NR6A1: variants seen among roughly 807,000 people sequenced by gnomAD.
NR6A1 encodes nuclear receptor subfamily 6 group A member 1.
NR6A1 carries 7 observed loss-of-function variants against 59.1 expected under a neutral mutation model. That is an observed-to-expected ratio of 0.12 (90% CI 0.07 to 0.22). NR6A1 has a LOEUF of 0.22. Ranked by LOEUF, NR6A1 falls within the 10% of genes least tolerant of loss-of-function variation. The probability of loss-of-function intolerance (pLI) is 1.00; values close to 1 mark genes in which losing one functional copy is unlikely to be tolerated. For synonymous variants in NR6A1, 243 were observed against 236.1 expected (o/e 1.03, Z -0.27); for missense variants, 468 against 611.6 (o/e 0.77, Z 2.48).
chr9:124,733,434 G>T, intron 1 of NR6A1, 85 bp from the exon 2 acceptor site: 2 of 1,043,990 alleles, frequency 1.9e-6, no homozygotes. Flanking sequence ...TACAGTTGGG[G>T]GGAAATCTAT....
chr9:124,592,733 C>T (rs755623471), intron 2 of NR6A1, among the ~76,000 whole-genome samples: 1 of 152,148 alleles, frequency 6.6e-6, no homozygotes, highest in Non-Finnish European at 1.5e-5. Flanking sequence ...ACCCCCAGTT[C>T]ATTTATGCAT....
chr9:124,735,178 G>T (rs1839988563), intron 1 of NR6A1, among the ~76,000 whole-genome samples: 1 of 152,082 alleles, frequency 6.6e-6, no homozygotes, highest in African/African-American at 2.4e-5. Context: ...GGGCTGTTCT[G>T]ACCACACCAA....
chr9:124,553,793 T>A (rs1253201894), intron 3 of NR6A1, among the ~76,000 whole-genome samples: 1 of 152,120 alleles, frequency 6.6e-6, no homozygotes, highest in East Asian at 1.9e-4. Flanking sequence ...CTGCCCCAAT[T>A]CACCCTCCAA....
At chr9:124,635,814 G>A (rs761823789) in intron 2 of NR6A1, among the ~76,000 whole-genome samples, 6 of 152,202 alleles carry the variant, frequency 3.9e-5, no homozygotes, top group Non-Finnish European at 7.3e-5. Flanking sequence ...TATGAATAAA[G>A]CTGCTATAAT....
chr9:124,599,419 CAAAA>C (rs530668330), intron 2 of NR6A1: 238 of 291,022 alleles, frequency 8.2e-4, no homozygotes, highest in East Asian at 1.3e-3. Flanking sequence ...TACATGGTCT[CAAAA>C]AAAAAAAAAA....
chr9:124,741,244 TC>T (rs1019012187), intron 1 of NR6A1, among the ~76,000 whole-genome samples: 5 of 152,286 alleles, frequency 3.3e-5, no homozygotes, highest in Non-Finnish European at 7.4e-5. Flanking sequence ...ATAGTTGTCG[TC>T]CCTCTTTGTA....
intron 2 of NR6A1, among the ~76,000 whole-genome samples, chr9:124,729,437 T>G (rs1333416693): frequency 6.6e-6 from 1 of 152,152 alleles, no homozygotes; most frequent in African/African-American, 2.4e-5. Flanking sequence ...ATACAAAAGT[T>G]AGCCAGGCAT....
At chr9:124,607,008 AG>A (rs1835592731) in intron 2 of NR6A1, among the ~76,000 whole-genome samples, 1 of 152,200 alleles carries the variant, frequency 6.6e-6, no homozygotes, top group South Asian at 2.1e-4. Flanking sequence ...TGTTGAGTAA[AG>A]GGAACAGGTA....
chr9:124,650,332 C>G (rs565474704), intron 2 of NR6A1, among the ~76,000 whole-genome samples: 3 of 151,862 alleles, frequency 2.0e-5, no homozygotes, highest in African/African-American at 7.3e-5. Flanking sequence ...AGCTGGGCAC[C>G]GAAAGACAAA....
Position 124,544,828 on chromosome 9 carries a change from C to A in NR6A1, c.386-971G>T, listed in dbSNP as rs560149463. Among the ~76,000 whole-genome samples the A allele has an allele frequency of 7.2e-5, 11 of 152,192 alleles. No homozygotes were observed. The South Asian group carries it at 1.5e-3, about 20-fold the overall frequency. On this transcript the variant is annotated intron_variant, in intron 3 of 9. Transcript: ENST00000487099. Reference sequence around the variant, plus strand: ...CTAGGGTATAACTTTAGCTAAGGAGCTTGAGGACAAGAAGGAATGTAGGGG... The same window carrying A: ...CTAGGGTATAACTTTAGCTAAGGAGATTGAGGACAAGAAGGAATGTAGGGG...
intron 2 of NR6A1, among the ~76,000 whole-genome samples, chr9:124,565,867 A>G (rs1834226252): frequency 6.6e-6 from 1 of 152,254 alleles, no homozygotes; most frequent in Non-Finnish European, 1.5e-5. Flanking sequence ...TATTGTTGGT[A>G]GGACTGTTTG....
chr9:124,744,121 T>C (rs1290667498), intron 1 of NR6A1, among the ~76,000 whole-genome samples: 1 of 152,064 alleles, frequency 6.6e-6, no homozygotes, highest in Non-Finnish European at 1.5e-5. Context: ...GCACCTATAG[T>C]CCCAGCTACT....
intron 2 of NR6A1, among the ~76,000 whole-genome samples, chr9:124,680,631 C>T (rs1838121324): frequency 6.6e-6 from 1 of 152,134 alleles, no homozygotes; most frequent in Non-Finnish European, 1.5e-5. Context: ...CAAAATAATA[C>T]ACGGTTTGTC....
intron 3 of NR6A1, among the ~76,000 whole-genome samples, chr9:124,549,855 T>C (rs367747149): frequency 6.6e-6 from 1 of 152,196 alleles, no homozygotes; most frequent in South Asian, 2.1e-4. Flanking sequence ...GTACATACTT[T>C]ATTTTGATTT....
intron 2 of NR6A1, among the ~76,000 whole-genome samples, chr9:124,616,724 C>T (rs1835905212): frequency 1.3e-5 from 2 of 152,068 alleles, no homozygotes; most frequent in South Asian, 4.2e-4. Flanking sequence ...GCAAAGATGC[C>T]CTAATATGAT....
chr9:124,732,386 T>C (rs1839908812), intron 2 of NR6A1, among the ~76,000 whole-genome samples: 1 of 152,224 alleles, frequency 6.6e-6, no homozygotes, highest in Non-Finnish European at 1.5e-5. Flanking sequence ...GTCCTATTTC[T>C]AACCATTATG....
intron 2 of NR6A1, among the ~76,000 whole-genome samples, chr9:124,718,038 C>T: frequency 6.6e-6 from 1 of 152,214 alleles, no homozygotes; most frequent in East Asian, 1.9e-4. Flanking sequence ...TGTATATTAT[C>T]TCATTATTTT....
intron 2 of NR6A1, among the ~76,000 whole-genome samples, chr9:124,605,896 T>G (rs1389134213): frequency 6.6e-6 from 1 of 152,202 alleles, no homozygotes; most frequent in East Asian, 1.9e-4. Flanking sequence ...ACCACCACTA[T>G]CTCCCATCTG....
chr9:124,578,294 T>C (rs550355956), intron 2 of NR6A1, among the ~76,000 whole-genome samples: 1 of 151,920 alleles, frequency 6.6e-6, no homozygotes, highest in African/African-American at 2.4e-5. Context: ...CAGAGGCCTG[T>C]ATCTACACTG....
Sources: gnomAD v4.1 joint callset for allele counts (sites outside exome capture counted in the v4.1 genomes callset) on GRCh38, gnomAD v4.1.1 for gene constraint, MANE v1.5 for transcripts, NCBI Gene and HGNC (gene_info 2026-07-23, HGNC 2026-07-21) for gene names.